CLSTN1: variants seen among roughly 807,000 people sequenced by gnomAD.
CLSTN1 encodes the protein calsyntenin-1.
Under a neutral mutation model 108.3 loss-of-function variants are expected in CLSTN1, and 28 were observed. That is an observed-to-expected ratio of 0.26 (90% CI 0.19 to 0.35). CLSTN1 has a LOEUF of 0.35. CLSTN1 is among the 10% of genes least tolerant of loss of function. The pLI, the probability that CLSTN1 is intolerant of heterozygous loss-of-function variation, is 1.00. For missense variants in CLSTN1, 1,157 were observed against 1,302.6 expected (o/e 0.89, Z 1.72); for synonymous variants, 524 against 534.9 (o/e 0.98, Z 0.28).
At position 9,741,132 on chromosome 1, in the gene CLSTN1, T is replaced by C; in HGVS notation, c.1481A>G (p.Lys494Arg). 1 of 1,614,096 alleles carries C rather than the reference T, an allele frequency of 6.2e-7. No homozygotes were observed. The highest frequency in any genetic ancestry group is 1.3e-5 in the African/African-American group (1 of 75,028). ...VTEDYPLHPS[K>R]IETQLVVGAC... ...CCCCACCACGAGCTGAGTTTCTATC[T>C]TGGATGGATGGAGCGGGTAATCCTC... is the stretch of plus-strand genomic sequence containing the variant. The change falls in exon 10 of 19, where the codon AAG becomes AGG. Residue 494 changes from lysine to arginine, a missense_variant. Transcript: ENST00000377298.
intron 1 of CLSTN1, chr1:9,780,934 C>T: frequency 2.4e-6 from 1 of 411,966 alleles, no homozygotes. Flanking sequence ...TGTGCACCTG[C>T]ATCTTGACTT....
At chr1:9,736,768 T>C (rs1650711399) in intron 11 of CLSTN1, among the ~76,000 whole-genome samples, 1 of 152,162 alleles carries the variant, frequency 6.6e-6, no homozygotes, top group African/African-American at 2.4e-5. Context: ...GACTAGGAAT[T>C]GAGGTTTCTA....
intron 2 of CLSTN1, among the ~76,000 whole-genome samples, chr1:9,770,299 TGTATAA>T (rs1278483725): frequency 1.3e-4 from 20 of 152,208 alleles, no homozygotes; most frequent in Admixed American, 5.2e-4. Context: ...AAAATAAACT[TGTATAA>T]GTATTATTTC....
At chr1:9,811,780 T>C (rs1445554282) in intron 1 of CLSTN1, among the ~76,000 whole-genome samples, 1 of 151,286 alleles carries the variant, frequency 6.6e-6, no homozygotes, top group Admixed American at 6.6e-5. Flanking sequence ...TTTAATGATT[T>C]GTTATCCTTT....
intron 1 of CLSTN1, among the ~76,000 whole-genome samples, chr1:9,800,779 CA>C (rs1214237395): frequency 3.4e-5 from 5 of 145,680 alleles, no homozygotes; most frequent in Middle Eastern, 3.2e-3. Context: ...AAAAAAAATA[CA>C]AAAAAAATTG....
At chr1:9,805,945 AC>A (rs1176668051) in intron 1 of CLSTN1, among the ~76,000 whole-genome samples, 1 of 151,972 alleles carries the variant, frequency 6.6e-6, no homozygotes, top group African/African-American at 2.4e-5. Context: ...TTTAATAATT[AC>A]ATTATTTAAT....
intron 1 of CLSTN1, among the ~76,000 whole-genome samples, chr1:9,798,124 G>GAGAGGGGA (rs1166103024): frequency 2.7e-4 from 36 of 132,072 alleles, no homozygotes; most frequent in East Asian, 5.0e-4. Context: ...GAGAGAGGGA[G>GAGAGGGGA]AGAGGGGAAG....
intron 1 of CLSTN1, among the ~76,000 whole-genome samples, chr1:9,787,402 A>ATTTT (rs70998310): frequency 2.0e-4 from 27 of 136,602 alleles, no homozygotes; most frequent in African/African-American, 6.3e-4. Flanking sequence ...GAGCCTTCTA[A>ATTTT]TTTTTTTTTT....
intron 1 of CLSTN1, chr1:9,781,353 CTTT>C (rs1161968921): frequency 4.1e-6 from 2 of 490,614 alleles, no homozygotes; most frequent in Non-Finnish European, 7.4e-6. Flanking sequence ...AAAAATTTTC[CTTT>C]TTAAAAGAAT....
intron 1 of CLSTN1, among the ~76,000 whole-genome samples, chr1:9,818,492 CTAATTTTTG>C (rs113221470): frequency 0.021 from 3,258 of 151,578 alleles, 130 homozygotes; most frequent in African/African-American, 0.07. Context: ...CCATGCCCAG[CTAATTTTTG>C]TATTTTTAGT....
At chr1:9,755,065 C>A in intron 4 of CLSTN1, 49 bp downstream of exon 4, 1 of 1,537,450 alleles carries the variant, frequency 6.5e-7, no homozygotes, top group Non-Finnish European at 8.9e-7. Flanking sequence ...GTTCTGCGCA[C>A]ACACGTTTAC....
intron 15 of CLSTN1, 50 bp downstream of exon 15, chr1:9,733,922 G>T: frequency 6.4e-7 from 1 of 1,553,808 alleles, no homozygotes; most frequent in Non-Finnish European, 8.7e-7. Context: ...AGCTCTCAAA[G>T]TCCCCTCTTG....
Position 9,765,876 on chromosome 1 carries a change from C to CA in CLSTN1, c.214+7395dup, listed in dbSNP as rs571155814. Among the ~76,000 whole-genome samples the CA allele has an allele frequency of 6.4e-3, 932 of 146,394 alleles. 5 individuals are homozygous for CA. The highest frequency in any genetic ancestry group is 0.017 in the South Asian group (79 of 4,556). On this transcript the variant is annotated intron_variant, in intron 2 of 18. Transcript: ENST00000377298. ...TGGGCGACACAGCGAGACTCTGTCTCAAAAAAAAAAGGCAATTTCATGCAG... is the reference window on the plus strand; with the variant it reads ...TGGGCGACACAGCGAGACTCTGTCTCAAAAAAAAAAAGGCAATTTCATGCAG...
intron 16 of CLSTN1, 28 bp from the exon 17 acceptor site, chr1:9,731,924 G>A (rs1030744196): frequency 6.2e-7 from 1 of 1,613,750 alleles, no homozygotes; most frequent in Non-Finnish European, 8.5e-7. Flanking sequence ...AGGATCGCTG[G>A]AGACAGGCAT....
chr1:9,767,943 T>C (rs987910513), intron 2 of CLSTN1, among the ~76,000 whole-genome samples: 1 of 152,172 alleles, frequency 6.6e-6, no homozygotes, highest in Non-Finnish European at 1.5e-5. Context: ...TGTTTAAAGC[T>C]CTTCACACGT....
At chr1:9,814,528 G>A (rs1003329473) in intron 1 of CLSTN1, among the ~76,000 whole-genome samples, 1 of 152,224 alleles carries the variant, frequency 6.6e-6, no homozygotes, top group African/African-American at 2.4e-5. Context: ...TTGAGGAATA[G>A]TTAAATAAAA....
chr1:9,821,792 T>C (rs1406549429), intron 1 of CLSTN1, among the ~76,000 whole-genome samples: 1 of 152,096 alleles, frequency 6.6e-6, no homozygotes, highest in Admixed American at 6.5e-5. Flanking sequence ...CTGAAAAAAA[T>C]GCATACGAAT....
chr1:9,821,463 T>C (rs1374679165), intron 1 of CLSTN1, among the ~76,000 whole-genome samples: 2 of 152,200 alleles, frequency 1.3e-5, no homozygotes, highest in Admixed American at 6.5e-5. Context: ...ACTACAGCTA[T>C]AATTAAAATA....
At chr1:9,755,063 C>G (rs1461751277) in intron 4 of CLSTN1, 51 bp downstream of exon 4, 2 of 1,525,764 alleles carry the variant, frequency 1.3e-6, no homozygotes, top group Admixed American at 1.8e-5. Context: ...TCGTTCTGCG[C>G]ACACACGTTT....
Sources: gnomAD v4.1 joint callset for allele counts (sites outside exome capture counted in the v4.1 genomes callset) on GRCh38, gnomAD v4.1.1 for gene constraint, MANE v1.5 for transcripts, NCBI Gene and HGNC (gene_info 2026-07-23, HGNC 2026-07-21) for gene names.